Variants in MBNL1 observed in about 807,000 individuals in gnomAD.
MBNL1 encodes the protein muscleblind like splicing regulator 1.
Under a neutral mutation model 42.2 loss-of-function variants are expected in MBNL1, and 8 were observed. The ratio of observed to expected loss-of-function variants is 0.19; its 90% confidence interval spans 0.11 to 0.34. The LOEUF is 0.34. Ranked by LOEUF, MBNL1 falls within the 10% of genes least tolerant of loss-of-function variation. The pLI, the probability that MBNL1 is intolerant of heterozygous loss-of-function variation, is 1.00. For missense variants in MBNL1, 309 were observed against 495.3 expected (o/e 0.62, Z 3.57); for synonymous variants, 169 against 173.9 (o/e 0.97, Z 0.22).
intron 4 of MBNL1, among the ~76,000 whole-genome samples, chr3:152,442,590 T>C (rs1214709260): frequency 6.6e-6 from 1 of 152,244 alleles, no homozygotes; most frequent in Non-Finnish European, 1.5e-5. Flanking sequence ...TCAGTTATAA[T>C]TTACTAATGT....
intron 2 of MBNL1, among the ~76,000 whole-genome samples, chr3:152,370,138 C>G (rs976692782): frequency 6.6e-6 from 1 of 152,060 alleles, no homozygotes; most frequent in Non-Finnish European, 1.5e-5. Flanking sequence ...CTCCTGTGAG[C>G]GCTTAGTGCT....
At chr3:152,257,509 AT>A (rs1280616518) in intron 2 of MBNL1, among the ~76,000 whole-genome samples, 3 of 152,054 alleles carry the variant, frequency 2.0e-5, no homozygotes, top group Middle Eastern at 3.2e-3. Flanking sequence ...AAAAAAAAAA[AT>A]CTCTCAAAAG....
intron 2 of MBNL1, among the ~76,000 whole-genome samples, chr3:152,362,466 G>C (rs953791533): frequency 1.3e-5 from 2 of 152,128 alleles, no homozygotes; most frequent in Non-Finnish European, 2.9e-5. Flanking sequence ...GTTCATACTC[G>C]AAGATTAATA....
chr3:152,394,284 TCTGA>T (rs569657664), intron 2 of MBNL1, among the ~76,000 whole-genome samples: 30 of 152,250 alleles, frequency 2.0e-4, no homozygotes, highest in Admixed American at 9.2e-4. Context: ...AAGAAGTCTG[TCTGA>T]CTATTTATAT....
chr3:152,318,272 A>G (rs1467392602), intron 2 of MBNL1, among the ~76,000 whole-genome samples: 1 of 152,224 alleles, frequency 6.6e-6, no homozygotes, highest in Non-Finnish European at 1.5e-5. Context: ...CGTTACAAGC[A>G]TTTTGAAAGT....
At chr3:152,354,997 T>C (rs1363294659) in intron 2 of MBNL1, among the ~76,000 whole-genome samples, 4 of 152,222 alleles carry the variant, frequency 2.6e-5, no homozygotes, top group Non-Finnish European at 4.4e-5. Context: ...TGAATCTCCT[T>C]ACCAAACTTG....
chr3:152,320,498 G>A (rs1282158675), intron 2 of MBNL1, among the ~76,000 whole-genome samples: 2 of 152,094 alleles, frequency 1.3e-5, no homozygotes, highest in Non-Finnish European at 2.9e-5. Flanking sequence ...ATGTCTCAGA[G>A]GGGAATGATA....
chr3:152,354,330 C>T (rs531857086), intron 2 of MBNL1, among the ~76,000 whole-genome samples: 1 of 152,254 alleles, frequency 6.6e-6, no homozygotes, highest in African/African-American at 2.4e-5. Context: ...TGGCTTCCGC[C>T]TGTGGTCCCT....
chr3:152,269,195 C>T (rs1370754437), intron 1 of MBNL1, 103 bp downstream of exon 1: 1 of 388,382 alleles, frequency 2.6e-6, no homozygotes, highest in Non-Finnish European at 5.2e-6. Context: ...GCTCGCCGGC[C>T]GCGGTTCTCC....
chr3:152,252,181 C>CCTTCCTTCCTTCCTTCCA (rs1328005613), intron 2 of MBNL1, among the ~76,000 whole-genome samples: 1 of 27,968 alleles, frequency 3.6e-5, no homozygotes, highest in Admixed American at 4.4e-4. Context: ...CCTTCCTTCC[C>CCTTCCTTCCTTCCTTCCA]TCCTTCCTTC....
At chr3:152,439,274 T>C (rs540179372) in intron 4 of MBNL1, among the ~76,000 whole-genome samples, 1 of 152,234 alleles carries the variant, frequency 6.6e-6, no homozygotes, top group Non-Finnish European at 1.5e-5. Flanking sequence ...AAATAGAACG[T>C]TTAAAGCTAA....
intron 2 of MBNL1, among the ~76,000 whole-genome samples, chr3:152,411,079 A>C (rs534028885): frequency 6.6e-6 from 1 of 152,198 alleles, no homozygotes; most frequent in Non-Finnish European, 1.5e-5. Flanking sequence ...TATTGTTACT[A>C]TTATATAGAA....
chr3:152,259,832 G>T (rs1260211308), intron 2 of MBNL1, among the ~76,000 whole-genome samples: 1 of 152,162 alleles, frequency 6.6e-6, no homozygotes. Context: ...CAACTATAAT[G>T]TGAGACATTT....
intron 8 of MBNL1, among the ~76,000 whole-genome samples, chr3:152,457,214 G>A (rs1212367344): frequency 2.0e-5 from 3 of 152,110 alleles, no homozygotes; most frequent in Non-Finnish European, 4.4e-5. Context: ...ATATTTTCTA[G>A]AAAATACTGG....
At chr3:152,282,610 T>A (rs2049129456) in intron 1 of MBNL1, among the ~76,000 whole-genome samples, 1 of 152,114 alleles carries the variant, frequency 6.6e-6, no homozygotes. Context: ...AATTGGCCAT[T>A]GCAGAAATAG....
chr3:152,365,050 C>G (rs900973166), intron 2 of MBNL1, among the ~76,000 whole-genome samples: 41 of 152,048 alleles, frequency 2.7e-4, no homozygotes, highest in African/African-American at 9.7e-4. Flanking sequence ...ATTCCAGACA[C>G]TGTATAATGC....
chr3:152,332,464 A>T lies in MBNL1; in HGVS notation c.174+32097A>T, dbSNP rs752200754. 5.3e-5 allele frequency among the ~76,000 whole-genome samples: 8 copies of T among 152,342 alleles called. No individual in the cohort carries two copies. The East Asian group carries it at 1.5e-3, about 29-fold the overall frequency. ...AAATGTAGTTGTCTAGCAATTAGGT[A>T]CAGAGTTGTCATCTTCCTTCTATGA... On this transcript the variant is annotated intron_variant, in intron 2 of 9. Coordinates refer to ENST00000324210, the MANE Select transcript of MBNL1 (RefSeq NM_021038.5).
upstream of MBNL1, chr3:152,265,731 T>C (rs1400206358): frequency 6.6e-6 from 1 of 152,250 alleles, no homozygotes; most frequent in African/African-American, 2.4e-5. Context: ...CTTTCCTTTA[T>C]CTGAAAATGT....
At chr3:152,257,866 G>A (rs955466291) in intron 2 of MBNL1, among the ~76,000 whole-genome samples, 4 of 152,120 alleles carry the variant, frequency 2.6e-5, no homozygotes, top group African/African-American at 7.2e-5. Flanking sequence ...TATACTCTTC[G>A]TTAATGTGGT....
Sources: allele counts gnomAD v4.1 joint callset (sites outside exome capture counted in the v4.1 genomes callset), GRCh38; gene constraint gnomAD v4.1.1; transcripts MANE v1.5; gene names NCBI Gene and HGNC (gene_info 2026-07-23, HGNC 2026-07-21).